The following PPP1R12B variants were observed in gnomAD, a reference collection of about 807,000 sequenced individuals.
PPP1R12B encodes the protein protein phosphatase 1 regulatory subunit 12B.
Under a neutral mutation model 126.1 loss-of-function variants are expected in PPP1R12B, and 76 were observed. The ratio of observed to expected loss-of-function variants is 0.60; its 90% CI spans 0.50 to 0.73. PPP1R12B has a LOEUF of 0.73. Ranked by LOEUF, PPP1R12B falls within the 30% of genes least tolerant of loss-of-function variation. The pLI is 0.00. For missense variants in PPP1R12B, 1,052 were observed against 1,205.1 expected (o/e 0.87, Z 1.88); for synonymous variants, 356 against 434.7 (o/e 0.82, Z 2.25).
intron 18 of PPP1R12B, among the ~76,000 whole-genome samples, chr1:202,547,361 A>T (rs1685754451): frequency 6.6e-6 from 1 of 152,160 alleles, no homozygotes; most frequent in Non-Finnish European, 1.5e-5. Flanking sequence ...TCATGCAGTG[A>T]GTGATGGTTA....
intron 4 of PPP1R12B, among the ~76,000 whole-genome samples, chr1:202,426,140 A>G (rs541044454): frequency 4.6e-5 from 7 of 152,234 alleles, no homozygotes; most frequent in Non-Finnish European, 8.8e-5. Context: ...CAGCTGGCAC[A>G]GGATAGCCAA....
intron 18 of PPP1R12B, among the ~76,000 whole-genome samples, chr1:202,537,377 A>G (rs1684657098): frequency 6.6e-6 from 1 of 151,990 alleles, no homozygotes; most frequent in African/African-American, 2.4e-5. Context: ...AGAAAAAGTA[A>G]ATACCAGGTG....
In PPP1R12B at chr1:202,501,984, T is replaced by G. The variant is rs915442188; in HGVS notation, c.2490+5162T>G. The G allele has an allele frequency of 5.1e-6, 5 of 985,616 alleles. No homozygotes were observed. In the African/African-American group the frequency reaches 8.7e-5, roughly 17 times the overall value. The allele number at this position is 985,616 out of a possible 1,614,324, so 61.1% of individuals were successfully genotyped here. A position where few individuals can be genotyped will look rare whatever the true frequency, so the allele number is the denominator to read the frequency against. The stretch of plus-strand genomic sequence containing the variant: ...GATTCAGTGGGTAGAGCATCAGCAT[T>G]CTTCTGCTGTCCTTGACATAGGTGG... On this transcript the variant is annotated intron_variant, in intron 18 of 23. Transcript: ENST00000608999.
intron 18 of PPP1R12B, among the ~76,000 whole-genome samples, chr1:202,516,047 C>T (rs1682110429): frequency 6.6e-6 from 1 of 152,214 alleles, no homozygotes; most frequent in Non-Finnish European, 1.5e-5. Context: ...CCCTGTGTCT[C>T]AGTTTCCTTA....
Position 202,430,660 on chromosome 1 carries a change from G to T in PPP1R12B, c.922-71G>T, listed in dbSNP as rs530771006. Reference sequence around the variant, plus strand: ...TCTTCAGAATGACAGTACCATTTTGGTTCTCAATACTGCTGATTTTTCACC... The same window carrying T: ...TCTTCAGAATGACAGTACCATTTTGTTTCTCAATACTGCTGATTTTTCACC... On this transcript the variant is annotated intron_variant, in intron 6 of 23. Coordinates refer to ENST00000608999, the MANE Select transcript of PPP1R12B (RefSeq NM_002481.4). 3.9e-6 allele frequency: 6 copies of T among 1,552,826 alleles called. No homozygotes were observed. The East Asian group carries it at 1.1e-4, about 30-fold the overall frequency.
At position 202,565,907 on chromosome 1, in the gene PPP1R12B, A is replaced by G. The variant is rs947758000; in HGVS notation, c.2757+1360A>G. On this transcript the variant is annotated intron_variant, in intron 21 of 23. Coordinates refer to ENST00000608999, the MANE Select transcript of PPP1R12B (RefSeq NM_002481.4). This position sits in a 1 kb window ranked among gnomAD's most constrained non-coding sequence, Gnocchi z 4.3. ...ACATTATTGAGCCAGGCAAAAAAAA[A>G]AAAAAGTCTCATTCACAGTAGACCC... 7.2e-5 allele frequency among the ~76,000 whole-genome samples: 11 copies of G among 152,234 alleles called. No individual in the cohort carries two copies. The highest frequency in any genetic ancestry group is 1.6e-4 in the Non-Finnish European group (11 of 68,042).
intron 1 of PPP1R12B, among the ~76,000 whole-genome samples, chr1:202,373,083 C>T (rs1293427869): frequency 1.3e-5 from 2 of 151,920 alleles, no homozygotes; most frequent in African/African-American, 2.4e-5. Flanking sequence ...TACAGGCGCA[C>T]ACCACCACGC....
chr1:202,452,984 C>T (rs1220822867), intron 13 of PPP1R12B, among the ~76,000 whole-genome samples: 1 of 152,004 alleles, frequency 6.6e-6, no homozygotes, highest in Non-Finnish European at 1.5e-5. Context: ...TTCTCTTGTC[C>T]GATTGCTCTA....
At chr1:202,496,037 C>T (rs187311797) in intron 17 of PPP1R12B, among the ~76,000 whole-genome samples, 107 of 152,200 alleles carry the variant, frequency 7.0e-4, no homozygotes, top group Non-Finnish European at 1.2e-3. Context: ...TGTAGTGAGT[C>T]AACAATATCT....
At chr1:202,438,606 C>A in intron 10 of PPP1R12B, 1 of 491,878 alleles carries the variant, frequency 2.0e-6, no homozygotes, top group East Asian at 4.4e-5. Flanking sequence ...TCCTCGCTGC[C>A]ATGGAGCCTG....
chr1:202,409,099 A>G (rs1164277898), intron 1 of PPP1R12B, among the ~76,000 whole-genome samples: 1 of 151,988 alleles, frequency 6.6e-6, no homozygotes, highest in African/African-American at 2.4e-5. Flanking sequence ...TCAGCCTACC[A>G]AAGTGCTAGA....
At chr1:202,453,554 G>T (rs1673264696) in intron 13 of PPP1R12B, among the ~76,000 whole-genome samples, 1 of 152,066 alleles carries the variant, frequency 6.6e-6, no homozygotes, top group Non-Finnish European at 1.5e-5. Flanking sequence ...AAATTCAGCA[G>T]TGAAGCCATC....
chr1:202,586,612 A>T lies in PPP1R12B; in HGVS notation c.*6052A>T, dbSNP rs539197114. The T allele has an allele frequency of 4.6e-5, 7 of 152,358 alleles. No homozygotes were observed. In the Middle Eastern group the frequency reaches 0.014, roughly 294 times the overall value. 9.4% of individuals were successfully genotyped at this position (152,358 alleles called of 1,614,324 possible). A position where few individuals can be genotyped will look rare whatever the true frequency, so the allele number is the denominator to read the frequency against. ...AGTCCAGGAACTGTTGGTCACAGCTACTAGGAATGAGGTGATTTCTGAGGG... is the reference window on the plus strand; with the variant it reads ...AGTCCAGGAACTGTTGGTCACAGCTTCTAGGAATGAGGTGATTTCTGAGGG... On this transcript the variant is annotated 3_prime_UTR_variant, in exon 24 of 24. Coordinates refer to ENST00000608999, the MANE Select transcript of PPP1R12B (RefSeq NM_002481.4).
At chr1:202,367,657 C>T (rs1182001111) in intron 1 of PPP1R12B, among the ~76,000 whole-genome samples, 6 of 152,192 alleles carry the variant, frequency 3.9e-5, no homozygotes, top group African/African-American at 1.4e-4. Flanking sequence ...TAGTGAAGCA[C>T]TTCCAGGCCA....
intron 23 of PPP1R12B, among the ~76,000 whole-genome samples, chr1:202,570,193 G>A (rs1023656618): frequency 7.2e-5 from 11 of 152,090 alleles, no homozygotes; most frequent in African/African-American, 2.7e-4. Context: ...CAAAGCACTG[G>A]GATAGTATTA....
chr1:202,483,278 CT>C (rs71281161), intron 13 of PPP1R12B, among the ~76,000 whole-genome samples: 1,419 of 118,452 alleles, frequency 0.012, 10 homozygotes, highest in Middle Eastern at 0.048. Flanking sequence ...TGAAGAACAC[CT>C]TTTTTTTTTT....
rs1689532000 is a variant in PPP1R12B, at chr1:202,581,226, C to T, written c.*666C>T. ...GCCATTTCTCCAAGGCGCAAATGGC[C>T]CTGGCTTCATTTATTCCTTTCCTTT... On this transcript the variant is annotated 3_prime_UTR_variant, in exon 24 of 24. Coordinates refer to ENST00000608999, the MANE Select transcript of PPP1R12B (RefSeq NM_002481.4). The T allele has an allele frequency of 6.5e-6, 1 of 152,708 alleles. No homozygotes were observed. The highest frequency in any genetic ancestry group is 2.1e-4 in the South Asian group (1 of 4,828). 9.5% of individuals were successfully genotyped at this position (152,708 alleles called of 1,614,324 possible).
At chr1:202,354,566 T>TCTATAAACAAACAAGAGCCAC (rs531443335) in intron 1 of PPP1R12B, among the ~76,000 whole-genome samples, 2 of 152,134 alleles carry the variant, frequency 1.3e-5, no homozygotes, top group East Asian at 3.9e-4. Context: ...ACACCCTGTG[T>TCTATAAACAAACAAGAGCCAC]CTATAAACAA....
At chr1:202,460,824 T>C (rs1404462783) in intron 13 of PPP1R12B, among the ~76,000 whole-genome samples, 1 of 152,198 alleles carries the variant, frequency 6.6e-6, no homozygotes, top group African/African-American at 2.4e-5. Flanking sequence ...AAAAAGGTGA[T>C]TCTTTTAGTG....
Sources: allele counts gnomAD v4.1 joint callset (sites outside exome capture counted in the v4.1 genomes callset), GRCh38; gene constraint gnomAD v4.1.1; non-coding constraint Gnocchi (gnomAD v3.1); transcripts MANE v1.5; gene names NCBI Gene and HGNC (gene_info 2026-07-23, HGNC 2026-07-21).